GRID2: variants seen among roughly 807,000 people sequenced by gnomAD.
GRID2 encodes the protein glutamate receptor ionotropic, delta-2.
Under a neutral mutation model 114.8 loss-of-function variants are expected in GRID2, and 33 were observed. The observed-to-expected ratio is 0.29, with a 90% CI of 0.22 to 0.38. GRID2 has a LOEUF of 0.38. Ranked by LOEUF, GRID2 falls within the 10% of genes least tolerant of loss-of-function variation. The pLI, the probability that GRID2 is intolerant of heterozygous loss-of-function variation, is 1.00. For missense variants in GRID2, 1,184 were observed against 1,257.7 expected (o/e 0.94, Z 0.89); for synonymous variants, 505 against 449.9 (o/e 1.12, Z -1.55).
At chr4:92,641,946 G>T (rs1256020705) in intron 2 of GRID2, among the ~76,000 whole-genome samples, 1 of 150,314 alleles carries the variant, frequency 6.7e-6, no homozygotes, top group Non-Finnish European at 1.5e-5. Context: ...CATCTAGTTT[G>T]CCACAAATGG....
rs1723997472 is a variant in GRID2, at chr4:92,506,814, ATTTC to A, written c.89-83315_89-83312del. ...AGGTTGATGTGGTATGTGTCTTCCT[ATTTC>A]TACTCAGGATATAACAGAAACAAAA... On this transcript the variant is annotated intron_variant, in intron 1 of 15. Transcript: ENST00000282020. Among the ~76,000 whole-genome samples, 11 of 152,022 alleles carry A rather than the reference ATTTC, an allele frequency of 7.2e-5. No individual in the cohort carries two copies. The South Asian group carries it at 2.1e-3, about 29-fold the overall frequency.
chr4:93,105,961 A>C (rs1240285228), intron 3 of GRID2, among the ~76,000 whole-genome samples: 1 of 152,156 alleles, frequency 6.6e-6, no homozygotes, highest in Non-Finnish European at 1.5e-5. Context: ...ACATGTGAGC[A>C]TTTTGGGGAG....
chr4:93,495,931 CAG>C (rs1727491559), intron 12 of GRID2, among the ~76,000 whole-genome samples: 1 of 151,762 alleles, frequency 6.6e-6, no homozygotes, highest in East Asian at 2.0e-4. Context: ...AAAAGGAAGA[CAG>C]TGATTAATGA....
intron 2 of GRID2, among the ~76,000 whole-genome samples, chr4:92,977,691 T>C (rs902147323): frequency 1.3e-5 from 2 of 152,128 alleles, no homozygotes; most frequent in Admixed American, 6.6e-5. Flanking sequence ...ACTTGGACTA[T>C]GGGGTTGACA....
intron 14 of GRID2, among the ~76,000 whole-genome samples, chr4:93,765,836 CA>C (rs1733622161): frequency 6.6e-6 from 1 of 151,736 alleles, no homozygotes; most frequent in South Asian, 2.1e-4. Flanking sequence ...AATGGCTTCA[CA>C]GTGTCACTCA....
chr4:92,345,363 G>A (rs1333584536), intron 1 of GRID2, among the ~76,000 whole-genome samples: 1 of 152,196 alleles, frequency 6.6e-6, no homozygotes, highest in Non-Finnish European at 1.5e-5. Context: ...TTTGGTCGAT[G>A]GGCACTTAGA....
At chr4:92,580,767 A>C (rs1461464120) in intron 1 of GRID2, among the ~76,000 whole-genome samples, 1 of 151,970 alleles carries the variant, frequency 6.6e-6, no homozygotes, top group Non-Finnish European at 1.5e-5. Context: ...GGTAATACTA[A>C]AAAGGTAGAG....
intron 1 of GRID2, among the ~76,000 whole-genome samples, chr4:92,369,309 T>G (rs2110215175): frequency 6.6e-6 from 1 of 152,278 alleles, no homozygotes; most frequent in South Asian, 2.1e-4. Context: ...GGTCCTAACT[T>G]TAATAAAGTG....
At chr4:93,239,077 T>C (rs1418775268) in intron 8 of GRID2, among the ~76,000 whole-genome samples, 1 of 149,704 alleles carries the variant, frequency 6.7e-6, no homozygotes, top group African/African-American at 2.4e-5. Context: ...CAAACGCCCT[T>C]ATATAAATGA....
chr4:92,719,246 CAA>C (rs900172415), intron 2 of GRID2, among the ~76,000 whole-genome samples: 3 of 152,084 alleles, frequency 2.0e-5, no homozygotes, highest in African/African-American at 7.2e-5. Context: ...CTCAGTCTCC[CAA>C]AGTGCTGGGA....
chr4:93,012,867 A>G (rs747193440), intron 2 of GRID2, among the ~76,000 whole-genome samples: 2 of 151,818 alleles, frequency 1.3e-5, no homozygotes, highest in Non-Finnish European at 1.5e-5. Context: ...ATGCATGTGT[A>G]TACGTGGGAA....
At chr4:93,288,817 T>C (rs1417654004) in intron 8 of GRID2, among the ~76,000 whole-genome samples, 1 of 152,198 alleles carries the variant, frequency 6.6e-6, no homozygotes, top group African/African-American at 2.4e-5. Context: ...AATTATGTTT[T>C]CTATGCTTAA....
chr4:93,278,007 T>A (rs1239393524), intron 8 of GRID2, among the ~76,000 whole-genome samples: 1 of 151,938 alleles, frequency 6.6e-6, no homozygotes, highest in African/African-American at 2.4e-5. Flanking sequence ...ATTTGAGGTA[T>A]GAACAAGGGT....
At chr4:92,984,294 A>G (rs538549030) in intron 2 of GRID2, among the ~76,000 whole-genome samples, 22 of 152,260 alleles carry the variant, frequency 1.4e-4, no homozygotes, top group African/African-American at 5.3e-4. Flanking sequence ...ACAGAAACAG[A>G]AAGTGCAGAA....
At chr4:92,592,392 T>C (rs192715718) in intron 2 of GRID2, among the ~76,000 whole-genome samples, 6 of 152,174 alleles carry the variant, frequency 3.9e-5, no homozygotes, top group Admixed American at 2.0e-4. Context: ...ACCGGAATTA[T>C]AAATTAAGAA....
intron 13 of GRID2, among the ~76,000 whole-genome samples, chr4:93,614,902 G>T (rs1365573092): frequency 2.7e-4 from 41 of 152,076 alleles, no homozygotes; most frequent in Admixed American, 2.7e-3. Context: ...CCCAAATATA[G>T]TAGGACAATT....
intron 13 of GRID2, among the ~76,000 whole-genome samples, chr4:93,561,010 A>C (rs1028771629): frequency 6.6e-6 from 1 of 151,922 alleles, no homozygotes; most frequent in Admixed American, 6.6e-5. Flanking sequence ...ATGACCTTAC[A>C]TTTATACTTA....
intron 8 of GRID2, among the ~76,000 whole-genome samples, chr4:93,338,519 A>C (rs1165735179): frequency 6.6e-6 from 1 of 152,164 alleles, no homozygotes; most frequent in African/African-American, 2.4e-5. Flanking sequence ...AGTAATTTGG[A>C]AGTGACAAGT....
intron 8 of GRID2, among the ~76,000 whole-genome samples, chr4:93,370,476 G>GAC (rs201475954): frequency 4.3e-5 from 6 of 139,238 alleles, no homozygotes; most frequent in African/African-American, 1.3e-4. Flanking sequence ...CGCACACAGA[G>GAC]ACACACACAC....
Sources: allele counts gnomAD v4.1 joint callset (sites outside exome capture counted in the v4.1 genomes callset), GRCh38; gene constraint gnomAD v4.1.1; transcripts MANE v1.5; gene names NCBI Gene and HGNC (gene_info 2026-07-23, HGNC 2026-07-21).